Variants in FGF14 observed in about 807,000 individuals in gnomAD.
The protein encoded by FGF14 is fibroblast growth factor homologous factor 4.
Under a neutral mutation model 25.5 loss-of-function variants are expected in FGF14, and 5 were observed. The ratio of observed to expected loss-of-function variants is 0.20; its 90% CI spans 0.10 to 0.41. The LOEUF (loss-of-function observed/expected upper bound fraction) is 0.41. FGF14 is among the 10% of genes least tolerant of loss of function. FGF14 has a pLI of 1.00. For synonymous variants in FGF14, 138 were observed against 118.3 expected, an observed-to-expected ratio of 1.17 and a Z score of -1.08; for missense variants, 222 against 320.1, an observed-to-expected ratio of 0.69 and a Z score of 2.34.
At chr13:102,012,257 G>GC (rs2040120930) in intron 1 of FGF14, among the ~76,000 whole-genome samples, 1 of 152,114 alleles carries the variant, frequency 6.6e-6, no homozygotes, top group African/African-American at 2.4e-5. Flanking sequence ...AGCTACACAA[G>GC]CCATGAATAT....
intron 1 of FGF14, among the ~76,000 whole-genome samples, chr13:102,105,842 G>T (rs2140302349): frequency 6.6e-6 from 1 of 152,168 alleles, no homozygotes; most frequent in Non-Finnish European, 1.5e-5. Context: ...AGGAGATATT[G>T]GATTCAATGC....
intron 1 of FGF14, among the ~76,000 whole-genome samples, chr13:102,135,193 G>A (rs534996068): frequency 2.0e-5 from 3 of 152,126 alleles, no homozygotes; most frequent in Non-Finnish European, 2.9e-5. Flanking sequence ...GGGTGACAGA[G>A]CAAGACCCTA....
At chr13:101,798,487 G>C (rs1477719215) in intron 3 of FGF14, among the ~76,000 whole-genome samples, 1 of 152,074 alleles carries the variant, frequency 6.6e-6, no homozygotes, top group Non-Finnish European at 1.5e-5. Context: ...ACTCATGACA[G>C]TTCATCTAGA....
chr13:102,207,788 T>C (rs544933304), intron 1 of FGF14, among the ~76,000 whole-genome samples: 1 of 152,248 alleles, frequency 6.6e-6, no homozygotes, highest in South Asian at 2.1e-4. Context: ...CATTGCATTT[T>C]TCTAATTACA....
intron 1 of FGF14, among the ~76,000 whole-genome samples, chr13:102,290,569 C>T (rs922708220): frequency 6.6e-6 from 1 of 152,144 alleles, no homozygotes; most frequent in Non-Finnish European, 1.5e-5. Flanking sequence ...ATCTTTGGCT[C>T]TCTGGACCCG....
At chr13:102,190,653 A>G (rs2049084357) in intron 1 of FGF14, among the ~76,000 whole-genome samples, 1 of 152,216 alleles carries the variant, frequency 6.6e-6, no homozygotes, top group Non-Finnish European at 1.5e-5. Flanking sequence ...GAAGACAACG[A>G]AAAGTCAATT....
intron 1 of FGF14, among the ~76,000 whole-genome samples, chr13:101,944,872 C>T (rs2035702746): frequency 6.6e-6 from 1 of 152,056 alleles, no homozygotes; most frequent in Admixed American, 6.5e-5. Context: ...TGGTGGTTGC[C>T]AGAGGATGGA....
intron 3 of FGF14, among the ~76,000 whole-genome samples, chr13:101,840,493 T>C (rs926926195): frequency 6.6e-6 from 1 of 151,724 alleles, no homozygotes. Flanking sequence ...ATATAATTTA[T>C]AGAAATTTGA....
chr13:102,144,980 C>G (rs554627282), intron 1 of FGF14, among the ~76,000 whole-genome samples: 2 of 152,170 alleles, frequency 1.3e-5, no homozygotes, highest in African/African-American at 4.8e-5. Flanking sequence ...TAAAGACTAC[C>G]AGGTAATTCT....
rs553267301 is a variant in FGF14 at position 101,764,299 on chromosome 13, C to T, written c.409-37489G>A. ...TTCACTGATTTGCGTATGGCAATTT[C>T]AGCATCTGCTCCTACTACCCCACAG... On this transcript the variant is annotated intron_variant, in intron 3 of 4. Transcript: ENST00000376143. Among the ~76,000 whole-genome samples, 5 of 152,322 alleles carry T rather than the reference C, an allele frequency of 3.3e-5. No individual in the cohort carries two copies. In the South Asian group the frequency reaches 1.0e-3, roughly 32 times the overall value.
chr13:101,906,649 C>T (rs1334275701), intron 1 of FGF14, among the ~76,000 whole-genome samples: 1 of 152,012 alleles, frequency 6.6e-6, no homozygotes, highest in African/African-American at 2.4e-5. Context: ...CATGTTACCC[C>T]GGAAAATCTC....
intron 1 of FGF14, among the ~76,000 whole-genome samples, chr13:102,176,021 G>A (rs1347060873): frequency 1.3e-5 from 2 of 151,948 alleles, no homozygotes; most frequent in Admixed American, 1.3e-4. Flanking sequence ...ATTTCTCCAA[G>A]AACTAAAAAC....
intron 1 of FGF14, among the ~76,000 whole-genome samples, chr13:102,096,016 T>C (rs981346185): frequency 6.8e-6 from 1 of 147,060 alleles, no homozygotes; most frequent in Non-Finnish European, 1.5e-5. Flanking sequence ...TATATATATA[T>C]AATATATTTC....
rs868636844 is a variant in FGF14, at chr13:102,140,046, C to A, written c.208+261425G>T. ...GCTTTAGGTCAAACTCTTCAAGACC[C>A]CCCCCCCCCCTTACAGCAGTAAGTC... On this transcript the variant is annotated intron_variant, in intron 1 of 4. Transcript: ENST00000376131. Among the ~76,000 whole-genome samples the A allele has an allele frequency of 1.9e-3, 257 of 136,836 alleles. 12 individuals are homozygous for A. The highest frequency in any genetic ancestry group is 7.0e-3 in the African/African-American group (243 of 34,742). 89.8% of individuals were successfully genotyped at this position (136,836 alleles called of 152,430 possible).
intron 1 of FGF14, among the ~76,000 whole-genome samples, chr13:102,368,337 T>C (rs1056119320): frequency 6.6e-6 from 1 of 152,188 alleles, no homozygotes; most frequent in Non-Finnish European, 1.5e-5. Context: ...TGTTTTCTCA[T>C]TAGCAAAAAA....
chr13:102,204,294 C>T (rs141177181), intron 1 of FGF14, among the ~76,000 whole-genome samples: 29 of 152,196 alleles, frequency 1.9e-4, no homozygotes, highest in African/African-American at 6.3e-4. Context: ...TCAATTTTCC[C>T]AGGAAGAAAC....
intron 1 of FGF14, among the ~76,000 whole-genome samples, chr13:102,327,656 G>A (rs1442146005): frequency 1.3e-5 from 2 of 152,038 alleles, no homozygotes; most frequent in Non-Finnish European, 2.9e-5. Context: ...GTAACATAGT[G>A]AGACCCTGCC....
intron 1 of FGF14, among the ~76,000 whole-genome samples, chr13:101,998,550 T>C (rs938142913): frequency 6.6e-6 from 1 of 151,786 alleles, no homozygotes; most frequent in Non-Finnish European, 1.5e-5. Context: ...AATCAGTTCT[T>C]GAAAGATTGT....
chr13:102,370,764 C>A (rs1045967149), intron 1 of FGF14, among the ~76,000 whole-genome samples: 1 of 152,072 alleles, frequency 6.6e-6, no homozygotes, highest in African/African-American at 2.4e-5. Flanking sequence ...CACAAATGCA[C>A]CCATCTTAAA....
Sources: gnomAD v4.1 joint callset for allele counts (sites outside exome capture counted in the v4.1 genomes callset) on GRCh38, gnomAD v4.1.1 for gene constraint, MANE v1.5 for transcripts, NCBI Gene and HGNC (gene_info 2026-07-23, HGNC 2026-07-21) for gene names.